The following DLGAP2 variants were observed in gnomAD, a reference collection of about 807,000 sequenced individuals.
DLGAP2 encodes the protein DLG associated protein 2.
A neutral mutation model predicts 100.3 loss-of-function variants in DLGAP2; 26 were observed. The ratio of observed to expected loss-of-function variants is 0.26; its 90% CI spans 0.19 to 0.36. The LOEUF is 0.36. Ranked by LOEUF, DLGAP2 falls within the 10% of genes least tolerant of loss-of-function variation. The pLI, the probability that DLGAP2 is intolerant of heterozygous loss-of-function variation, is 1.00. For missense variants in DLGAP2, 1,858 were observed against 1,453.2 expected, an observed-to-expected ratio of 1.28 and a Z score of -4.53; for synonymous variants, 886 against 630.1, an observed-to-expected ratio of 1.41 and a Z score of -6.08.
At chr8:1,434,084 A>T (rs944470158) in intron 3 of DLGAP2, among the ~76,000 whole-genome samples, 1 of 152,102 alleles carries the variant, frequency 6.6e-6, no homozygotes, top group Admixed American at 6.6e-5. Context: ...GCTCTGTGCT[A>T]TGGGCGTGGC....
chr8:777,063 G>C (rs1309443622), intron 1 of DLGAP2, among the ~76,000 whole-genome samples: 9 of 152,070 alleles, frequency 5.9e-5, no homozygotes, highest in African/African-American at 1.9e-4. Flanking sequence ...ATTTAGGATA[G>C]TTAGCTCTTC....
At chr8:869,769 G>T (rs1797563479) in intron 1 of DLGAP2, among the ~76,000 whole-genome samples, 2 of 152,164 alleles carry the variant, frequency 1.3e-5, no homozygotes, top group African/African-American at 4.8e-5. Context: ...CCCAAATCTG[G>T]GTCACAGAAG....
At chr8:840,920 G>A (rs923203245) in intron 1 of DLGAP2, among the ~76,000 whole-genome samples, 4 of 152,222 alleles carry the variant, frequency 2.6e-5, no homozygotes, top group African/African-American at 9.6e-5. Context: ...TGTTTGGCAG[G>A]ACTCAGCAGT....
intron 3 of DLGAP2, among the ~76,000 whole-genome samples, chr8:1,470,678 G>C (rs796635000): frequency 7.9e-5 from 12 of 152,144 alleles, no homozygotes; most frequent in African/African-American, 2.9e-4. Flanking sequence ...ACCATTTTAA[G>C]ATCCTGTAGC....
intron 3 of DLGAP2, among the ~76,000 whole-genome samples, chr8:1,475,126 A>T (rs911461124): frequency 6.6e-6 from 1 of 152,194 alleles, no homozygotes; most frequent in Non-Finnish European, 1.5e-5. Context: ...ATCAACACAA[A>T]TACTGCACGT....
chr8:1,422,791 G>A (rs1363658517), intron 3 of DLGAP2, among the ~76,000 whole-genome samples: 1 of 152,152 alleles, frequency 6.6e-6, no homozygotes, highest in East Asian at 1.9e-4. Context: ...GAAAGGCTGA[G>A]GGCATGGGAG....
At chr8:1,333,166 C>T (rs1563088760) in intron 3 of DLGAP2, among the ~76,000 whole-genome samples, 2 of 152,162 alleles carry the variant, frequency 1.3e-5, no homozygotes, top group Non-Finnish European at 2.9e-5. Flanking sequence ...AGATCAGGGA[C>T]CATCCAGAAG....
chr8:1,443,496 G>A (rs971119124), intron 3 of DLGAP2, among the ~76,000 whole-genome samples: 1 of 152,304 alleles, frequency 6.6e-6, no homozygotes, highest in South Asian at 2.1e-4. Context: ...CAAGAGAGGG[G>A]TGGCGTGGTG....
chr8:1,585,760 C>T (rs1327201533), intron 6 of DLGAP2, among the ~76,000 whole-genome samples: 4 of 152,314 alleles, frequency 2.6e-5, no homozygotes, highest in East Asian at 3.9e-4. Context: ...CATACACTCG[C>T]AGTCCATTCA....
intron 3 of DLGAP2, among the ~76,000 whole-genome samples, chr8:1,366,701 T>C (rs1802116225): frequency 1.3e-5 from 2 of 151,960 alleles, no homozygotes; most frequent in East Asian, 1.9e-4. Flanking sequence ...AGCTGGGAAG[T>C]GGAAAGAGAT....
chr8:879,923 A>C (rs987218682), intron 1 of DLGAP2, among the ~76,000 whole-genome samples: 5 of 152,012 alleles, frequency 3.3e-5, no homozygotes, highest in Admixed American at 1.3e-4. Context: ...TCTCCTCCCT[A>C]ATGGAATTTT....
At chr8:1,561,569 G>T (rs934388538) in intron 5 of DLGAP2, among the ~76,000 whole-genome samples, 1 of 152,154 alleles carries the variant, frequency 6.6e-6, no homozygotes. Context: ...TAGTGTGCGT[G>T]GTGCTAGGGT....
intron 2 of DLGAP2, among the ~76,000 whole-genome samples, chr8:1,187,689 G>T (rs185160289): frequency 1.6e-5 from 2 of 126,666 alleles, no homozygotes; most frequent in Non-Finnish European, 3.3e-5. Context: ...TCCCTCACAC[G>T]CCCAGGACCT....
rs568730098 is a variant in DLGAP2 at position 1,089,412 on chromosome 8, C to T, written c.74-169439C>T. ...TGCTGCCCTCACTCATAACCGTGGG[C>T]TGGTGAGACTCCATCGCCTTCCTCC... On this transcript the variant is annotated intron_variant, in intron 2 of 14. Coordinates refer to ENST00000637795, the MANE Select transcript of DLGAP2 (RefSeq NM_001346810.2). Among the ~76,000 whole-genome samples, 5 of 152,340 alleles carry T rather than the reference C, an allele frequency of 3.3e-5. No homozygotes were observed. In the South Asian group the frequency reaches 6.2e-4, roughly 19 times the overall value.
intron 1 of DLGAP2, among the ~76,000 whole-genome samples, chr8:749,248 C>T (rs1277798778): frequency 6.6e-6 from 1 of 152,226 alleles, no homozygotes; most frequent in Non-Finnish European, 1.5e-5. Flanking sequence ...GCCTCGGCCT[C>T]CCAAAGTGCT....
intron 4 of DLGAP2, among the ~76,000 whole-genome samples, chr8:1,508,757 C>T (rs1800045565): frequency 1.3e-5 from 2 of 151,300 alleles, no homozygotes; most frequent in East Asian, 2.0e-4. Flanking sequence ...GCGCTGACGG[C>T]GTTCCCTAAA....
At chr8:1,033,944 C>T (rs13272309) in intron 2 of DLGAP2, among the ~76,000 whole-genome samples, 582 of 22,842 alleles carry the variant, frequency 0.025, 30 homozygotes, top group Non-Finnish European at 0.033. Flanking sequence ...CGCGAGTGGA[C>T]TCACACGCTC....
chr8:1,450,988 C>G (rs17748312), intron 3 of DLGAP2, among the ~76,000 whole-genome samples: 2,401 of 152,232 alleles, frequency 0.016, 26 homozygotes, highest in Non-Finnish European at 0.024. Flanking sequence ...GCGCCAGTGA[C>G]AAGGGAGTCC....
At chr8:1,142,937 C>G (rs1165858746) in intron 2 of DLGAP2, among the ~76,000 whole-genome samples, 1 of 152,160 alleles carries the variant, frequency 6.6e-6, no homozygotes, top group Non-Finnish European at 1.5e-5. Flanking sequence ...TTCAGAATTG[C>G]TCGTCATGTT....
Sources: allele counts gnomAD v4.1 joint callset (sites outside exome capture counted in the v4.1 genomes callset), GRCh38; gene constraint gnomAD v4.1.1; transcripts MANE v1.5; gene names NCBI Gene and HGNC (gene_info 2026-07-23, HGNC 2026-07-21).